Variants in ZNF267 observed in about 807,000 individuals in gnomAD.
The protein encoded by ZNF267 is zinc finger (C2H2).
Under a neutral mutation model 71.6 loss-of-function variants are expected in ZNF267, and 61 were observed. The observed-to-expected ratio is 0.85, with a 90% CI of 0.69 to 1.05. ZNF267 has a LOEUF of 1.05. Ranked by LOEUF, ZNF267 falls within the 50% of genes least tolerant of loss-of-function variation. The probability of loss-of-function intolerance (pLI) is 0.00; values close to 1 mark genes in which losing one functional copy is unlikely to be tolerated. For missense variants in ZNF267, 852 were observed against 870.0 expected, an observed-to-expected ratio of 0.98 and a Z score of 0.26; for synonymous variants, 288 against 293.2, an observed-to-expected ratio of 0.98 and a Z score of 0.18.
In ZNF267 at chr16:31,911,126, TATGTGCTGAGAAGA is replaced by T. The variant is rs576979437; in HGVS notation, c.227-3344_227-3331del. On this transcript the variant is annotated intron_variant, in intron 3 of 3. Transcript: ENST00000300870. Reference sequence around the variant, plus strand: ...AAATGTTGTGTATCTGAAAATTATCTATGTGCTGAGAAGAATGTGTGTTCTGTAGCCATTAGATA... The same window carrying T: ...AAATGTTGTGTATCTGAAAATTATCTATGTGTGTTCTGTAGCCATTAGATA... Among the ~76,000 whole-genome samples the T allele has an allele frequency of 9.2e-5, 14 of 151,814 alleles. No homozygotes were observed. The East Asian group carries it at 2.7e-3, about 29-fold the overall frequency.
intron 3 of ZNF267, among the ~76,000 whole-genome samples, chr16:31,901,682 T>C (rs1310765906): frequency 6.6e-6 from 1 of 152,220 alleles, no homozygotes; most frequent in Admixed American, 6.5e-5. Flanking sequence ...TCATTGTAGA[T>C]TCTGGATATT....
In ZNF267 at chr16:31,916,006, G is replaced by A; in HGVS notation, c.1757G>A (p.Ser586Asn). The change falls in exon 4 of 4, where the codon AGT becomes AAT. Residue 586 changes from serine (S) to asparagine (N), a missense_variant. Transcript: ENST00000300870. ...TGTAAAGCATGTAGCAAATCTTTTA[G>A]TGACTCCTCAGGTCTTACTGTGCAT... ...YKCKACSKSF[S>N]DSSGLTVHRR... The A allele has an allele frequency of 6.2e-7, 1 of 1,612,208 alleles. No individual in the cohort carries two copies. Among genetic ancestry groups the A allele is most frequent in the South Asian group, 1.1e-5 (1 of 91,052 alleles).
chr16:31,914,595 A>T lies in ZNF267; in HGVS notation c.346A>T (p.Arg116Trp). ...TCTTGAGAATTTACATTTAAGAAAA[A>T]GGTGGAAAAGGGAGGAGTGTGAAGG... ...CDLENLHLRK[R>W]WKREECEGHN... Residue 116 changes from arginine (R) to tryptophan (W), a missense_variant, in exon 4 of 4, where the codon AGG (arginine) becomes TGG (tryptophan). Transcript: ENST00000300870. 1 of 1,614,138 alleles carries T rather than the reference A, an allele frequency of 6.2e-7. No individual in the cohort carries two copies. Among genetic ancestry groups the T allele is most frequent in the Non-Finnish European group, 8.5e-7 (1 of 1,180,014 alleles).
At position 31,914,868 on chromosome 16, in the gene ZNF267, C is replaced by T. The variant is rs754909276; in HGVS notation, c.619C>T (p.Arg207Ter). 3.8e-5 allele frequency: 62 copies of T among 1,611,332 alleles called. No homozygotes were observed. The highest frequency in any genetic ancestry group is 4.5e-5 in the East Asian group (2 of 44,820). The change falls in exon 4 of 4, where the codon CGA becomes TGA. Residue 207 changes from arginine (R) to a stop codon, truncating the protein, a stop_gained. Transcript: ENST00000300870. LOFTEE classifies it high-confidence loss of function. Reference sequence around the variant, plus strand: ...GCAGGTCTCTACTCTAAATAGTTACCGAAATGTTTTTATTGGAGAGAAAAA... The same window carrying T: ...GCAGGTCTCTACTCTAAATAGTTACTGAAATGTTTTTATTGGAGAGAAAAA... ...FRQVSTLNSY[R>*]NVFIGEKNYH...
chr16:31,892,972 G>A (rs1052415731), intron 3 of ZNF267, among the ~76,000 whole-genome samples: 7 of 152,252 alleles, frequency 4.6e-5, no homozygotes, highest in African/African-American at 1.4e-4. Context: ...CCACTAGGCT[G>A]TGCCCAAGTA....
chr16:31,909,933 G>A (rs1158799055), intron 3 of ZNF267, among the ~76,000 whole-genome samples: 1 of 152,118 alleles, frequency 6.6e-6, no homozygotes, highest in Non-Finnish European at 1.5e-5. Flanking sequence ...TTTGAGGTAT[G>A]TTCTTTCTAT....
chr16:31,881,060 G>C (rs2083886435), intron 1 of ZNF267, among the ~76,000 whole-genome samples: 2 of 152,134 alleles, frequency 1.3e-5, no homozygotes, highest in Non-Finnish European at 2.9e-5. Flanking sequence ...GGACAAAAGA[G>C]TTGTTATTAT....
intron 3 of ZNF267, chr16:31,894,672 C>T: frequency 2.1e-6 from 1 of 481,624 alleles, no homozygotes; most frequent in Admixed American, 2.4e-5. Flanking sequence ...GTTTCTTCAT[C>T]ACTGTCATCC....
intron 3 of ZNF267, among the ~76,000 whole-genome samples, chr16:31,891,236 C>A (rs987941732): frequency 3.9e-5 from 6 of 152,094 alleles, no homozygotes; most frequent in South Asian, 4.1e-4. Flanking sequence ...CCCTTTCACA[C>A]ATTTTATTAC....
chr16:31,889,420 A>G (rs2142338845), intron 3 of ZNF267, among the ~76,000 whole-genome samples: 1 of 152,260 alleles, frequency 6.6e-6, no homozygotes, highest in South Asian at 2.1e-4. Context: ...CTTCTGTCTT[A>G]GAACTGCTTT....
chr16:31,873,819 G>C lies in ZNF267; in HGVS notation c.-148G>C. On this transcript the variant is annotated 5_prime_UTR_variant, in exon 1 of 4. Coordinates refer to ENST00000300870, the MANE Select transcript of ZNF267 (RefSeq NM_003414.6). Reference sequence around the variant, plus strand: ...CTTCGTCGGCTCCAGTTAGAGCTCGGGTCTCCTCGCCACAGCTCCGAGTCT... The same window carrying C: ...CTTCGTCGGCTCCAGTTAGAGCTCGCGTCTCCTCGCCACAGCTCCGAGTCT... 1 of 1,102,504 alleles carries C rather than the reference G, an allele frequency of 9.1e-7. No individual in the cohort carries two copies. The highest frequency in any genetic ancestry group is 1.4e-6 in the Non-Finnish European group (1 of 734,578). The allele number at this position is 1,102,504 out of a possible 1,614,324, so 68.3% of individuals were successfully genotyped here.
chr16:31,874,146 G>T (rs1596611159), intron 1 of ZNF267, 177 bp downstream of exon 1: 1 of 659,720 alleles, frequency 1.5e-6, no homozygotes, highest in East Asian at 2.9e-5. Context: ...CGGCCAGGCC[G>T]GCAGCCGGGA....
intron 1 of ZNF267, among the ~76,000 whole-genome samples, chr16:31,880,876 A>G (rs892118131): frequency 1.3e-5 from 2 of 152,208 alleles, no homozygotes; most frequent in African/African-American, 4.8e-5. Flanking sequence ...TGCAGCAGCC[A>G]TAGTCCCTAC....
chr16:31,881,418 C>T (rs1438153405), intron 1 of ZNF267, among the ~76,000 whole-genome samples: 2 of 152,124 alleles, frequency 1.3e-5, no homozygotes, highest in East Asian at 1.9e-4. Flanking sequence ...TCTGGGTGGC[C>T]GCTGCTGCCA....
chr16:31,896,364 G>A (rs565024954), intron 3 of ZNF267, among the ~76,000 whole-genome samples: 2 of 152,274 alleles, frequency 1.3e-5, no homozygotes, highest in East Asian at 3.9e-4. Context: ...CTGTACTAAA[G>A]CATTTGCCCT....
chr16:31,906,196 TG>T (rs1028058198), intron 3 of ZNF267, among the ~76,000 whole-genome samples: 1 of 152,162 alleles, frequency 6.6e-6, no homozygotes, highest in Non-Finnish European at 1.5e-5. Flanking sequence ...CAGCTCCTAC[TG>T]GGGGGTGCCT....
At position 31,914,649 on chromosome 16, in the gene ZNF267, T is replaced by G; in HGVS notation, c.400T>G (p.Phe134Val). 6.2e-7 allele frequency: 1 copy of G among 1,613,974 alleles called. No individual in the cohort carries two copies. Among genetic ancestry groups the G allele is most frequent in the South Asian group, 1.1e-5 (1 of 91,038 alleles). ...GHNGCYDEKTFKYDQFDESSV... is the reference protein window; with the variant it reads ...GHNGCYDEKTVKYDQFDESSV... ...CAATGGATGTTATGATGAAAAGACT[T>G]TTAAATATGATCAATTTGATGAATC... is the stretch of plus-strand genomic sequence containing the variant. The change falls in exon 4 of 4, where the codon TTT becomes GTT. Residue 134 changes from phenylalanine (F) to valine (V), a missense_variant. By Grantham distance (50) the Phe-to-Val change is conservative (BLOSUM62 -1). Coordinates refer to ENST00000300870, the MANE Select transcript of ZNF267 (RefSeq NM_003414.6).
At chr16:31,900,675 A>G (rs1366755543) in intron 3 of ZNF267, among the ~76,000 whole-genome samples, 1 of 150,374 alleles carries the variant, frequency 6.7e-6, no homozygotes, top group Non-Finnish European at 1.5e-5. Flanking sequence ...TGATCTCCTG[A>G]CCTCGTGATC....
At chr16:31,878,559 G>A (rs1423498543) in intron 1 of ZNF267, among the ~76,000 whole-genome samples, 1 of 152,214 alleles carries the variant, frequency 6.6e-6, no homozygotes, top group Non-Finnish European at 1.5e-5. Context: ...CGTAGCAGCA[G>A]CCTAGTTTCT....
Sources: gnomAD v4.1 joint callset for allele counts (sites outside exome capture counted in the v4.1 genomes callset) on GRCh38, gnomAD v4.1.1 for gene constraint, MANE v1.5 for transcripts, NCBI Gene and HGNC (gene_info 2026-07-23, HGNC 2026-07-21) for gene names.